Variants in CRTAC1 observed in about 807,000 individuals in gnomAD.
CRTAC1 encodes acidic secreted protein in cartilage.
CRTAC1 carries 37 observed loss-of-function variants against 67.8 expected under a neutral mutation model. The ratio of observed to expected loss-of-function variants is 0.55; its 90% confidence interval spans 0.42 to 0.72. The LOEUF is 0.72. CRTAC1 is among the 30% of genes least tolerant of loss of function. CRTAC1 has a pLI of 0.00. For synonymous variants in CRTAC1, 348 were observed against 371.0 expected (o/e 0.94, Z 0.71); for missense variants, 780 against 931.6 (o/e 0.84, Z 2.12).
intron 2 of CRTAC1, among the ~76,000 whole-genome samples, chr10:98,005,100 A>ATATATATATATATT: frequency 2.0e-5 from 1 of 48,926 alleles, no homozygotes; most frequent in African/African-American, 1.2e-4. Flanking sequence ...ATATATATAT[A>ATATATATATATATT]TTTTTTTTTT....
chr10:97,944,409 G>T (rs2051230445), intron 2 of CRTAC1, among the ~76,000 whole-genome samples: 1 of 151,342 alleles, frequency 6.6e-6, no homozygotes, highest in Non-Finnish European at 1.5e-5. Context: ...TCAAGCCTGG[G>T]CAACAAGAGT....
chr10:97,889,518 T>C (rs2050336185), intron 11 of CRTAC1, among the ~76,000 whole-genome samples: 1 of 151,878 alleles, frequency 6.6e-6, no homozygotes. Flanking sequence ...GATGTCGCTA[T>C]GAGAGCTCTG....
chr10:97,994,127 G>T (rs1842512658), intron 2 of CRTAC1, among the ~76,000 whole-genome samples: 1 of 152,066 alleles, frequency 6.6e-6, no homozygotes, highest in Non-Finnish European at 1.5e-5. Flanking sequence ...AAATTGCTAG[G>T]ATTACAGGCA....
At chr10:97,995,540 T>G (rs1842548200) in intron 2 of CRTAC1, among the ~76,000 whole-genome samples, 1 of 152,232 alleles carries the variant, frequency 6.6e-6, no homozygotes, top group African/African-American at 2.4e-5. Context: ...TGCAGACCTC[T>G]GAAGGACCCT....
chr10:97,896,840 CGCCCT>C, intron 9 of CRTAC1, 64 bp downstream of exon 9: 2 of 730,586 alleles, frequency 2.7e-6, no homozygotes, highest in Non-Finnish European at 4.5e-6. Context: ...CCGTCCCTCC[CGCCCT>C]CACCCCAGTG....
rs900541974 is a variant in CRTAC1, at chr10:98,030,406, C to T, written c.24+43G>A. ...GGGGGGGCGCGCAGAGCTGGAGAAA[C>T]TTTCTCCGCCTTAGGGTGGGGGGCA... On this transcript the variant is annotated intron_variant, in intron 1 of 14. Coordinates refer to ENST00000370597, the MANE Select transcript of CRTAC1 (RefSeq NM_018058.7). The surrounding 1 kb of genome is among the most constrained non-coding windows in gnomAD (Gnocchi z 4.2). 1.6e-6 allele frequency: 2 copies of T among 1,221,442 alleles called. No homozygotes were observed. Among genetic ancestry groups the T allele is most frequent in the Non-Finnish European group, 2.1e-6 (2 of 963,716 alleles). 75.7% of individuals were successfully genotyped at this position (1,221,442 alleles called of 1,614,324 possible).
chr10:97,952,874 C>T (rs2051380378), intron 2 of CRTAC1, among the ~76,000 whole-genome samples: 1 of 152,182 alleles, frequency 6.6e-6, no homozygotes, highest in South Asian at 2.1e-4. Flanking sequence ...TTGATTAATT[C>T]ACAATTCACA....
intron 2 of CRTAC1, among the ~76,000 whole-genome samples, chr10:98,002,779 T>C (rs1842716720): frequency 4.2e-5 from 5 of 118,972 alleles, no homozygotes; most frequent in Middle Eastern, 3.6e-3. Context: ...TTTTTTTTTT[T>C]TTTTTTTTTT....
At chr10:98,016,636 G>T (rs1298200565) in intron 1 of CRTAC1, among the ~76,000 whole-genome samples, 1 of 152,100 alleles carries the variant, frequency 6.6e-6, no homozygotes, top group East Asian at 1.9e-4. Context: ...CACCACCCAG[G>T]TCCCTTACCC....
intron 2 of CRTAC1, among the ~76,000 whole-genome samples, chr10:97,976,857 C>T (rs1482438729): frequency 6.6e-6 from 1 of 152,184 alleles, no homozygotes; most frequent in African/African-American, 2.4e-5. Flanking sequence ...TTTGTTTCTC[C>T]TTGAGTGATT....
chr10:97,991,504 A>C (rs1345248752), intron 2 of CRTAC1, among the ~76,000 whole-genome samples: 2 of 152,128 alleles, frequency 1.3e-5, no homozygotes, highest in Non-Finnish European at 2.9e-5. Context: ...AAAAAGAGGG[A>C]GAGACACATT....
chr10:97,932,430 C>G (rs2051016605), intron 3 of CRTAC1, among the ~76,000 whole-genome samples: 3 of 152,182 alleles, frequency 2.0e-5, no homozygotes, highest in Non-Finnish European at 2.9e-5. Context: ...CCCCATGGAA[C>G]TAAGACCCTA....
chr10:97,886,327 A>G (rs1407641583), intron 11 of CRTAC1, among the ~76,000 whole-genome samples: 5 of 152,074 alleles, frequency 3.3e-5, no homozygotes, highest in East Asian at 3.9e-4. Flanking sequence ...CTGTGAGCCT[A>G]TGAGGGCCAG....
intron 7 of CRTAC1, among the ~76,000 whole-genome samples, 194 bp from the exon 8 acceptor site, chr10:97,901,833 G>A (rs375809607): frequency 1.3e-4 from 20 of 152,328 alleles, no homozygotes; most frequent in Middle Eastern, 3.4e-3. Flanking sequence ...ACGAGAAGAA[G>A]GAGGGAAGAA....
chr10:97,924,724 C>T (rs1011777680), intron 3 of CRTAC1, among the ~76,000 whole-genome samples: 1 of 152,188 alleles, frequency 6.6e-6, no homozygotes, highest in African/African-American at 2.4e-5. Context: ...AAAGTGGTAG[C>T]TATTTTTCGA....
chr10:97,922,255 G>A (rs952493503), intron 4 of CRTAC1, among the ~76,000 whole-genome samples: 5 of 152,210 alleles, frequency 3.3e-5, no homozygotes, highest in Non-Finnish European at 5.9e-5. Flanking sequence ...TGGCTTCACA[G>A]CCCAGCTTGG....
At chr10:97,905,984 G>A (rs555873507) in intron 6 of CRTAC1, among the ~76,000 whole-genome samples, 1 of 152,306 alleles carries the variant, frequency 6.6e-6, no homozygotes, top group East Asian at 1.9e-4. Context: ...ACCCACCCAC[G>A]TTGACTCTTT....
chr10:97,952,443 C>T (rs867062810), intron 2 of CRTAC1, among the ~76,000 whole-genome samples: 1 of 144,118 alleles, frequency 6.9e-6, no homozygotes, highest in South Asian at 2.1e-4. Context: ...GAGGCTGAGG[C>T]AGAAGAATTG....
In CRTAC1 at chr10:97,963,104, C is replaced by T. The variant is rs149227496; in HGVS notation, c.225-26738G>A. ...CTGAAATCTAGGCACAAGCAAAGCC[C>T]GAGGCCAGACTTAGAAGCAGCCTGG... On this transcript the variant is annotated intron_variant, in intron 2 of 14. Coordinates refer to ENST00000370597, the MANE Select transcript of CRTAC1 (RefSeq NM_018058.7). 4.8e-4 allele frequency among the ~76,000 whole-genome samples: 73 copies of T among 152,132 alleles called. No individual in the cohort carries two copies. In the East Asian group the frequency reaches 0.012, roughly 25 times the overall value.
Sources: allele counts gnomAD v4.1 joint callset (sites outside exome capture counted in the v4.1 genomes callset), GRCh38; gene constraint gnomAD v4.1.1; non-coding constraint Gnocchi (gnomAD v3.1); transcripts MANE v1.5; gene names NCBI Gene and HGNC (gene_info 2026-07-23, HGNC 2026-07-21).